The following KATNBL1 variants were observed in gnomAD, a reference collection of about 807,000 sequenced individuals.
KATNBL1 encodes the protein KATNB1-like protein 1.
In KATNBL1, 28 loss-of-function variants were observed where a neutral mutation model predicts 44.7. That is an observed-to-expected ratio of 0.63 (90% confidence interval 0.46 to 0.86). The LOEUF (loss-of-function observed/expected upper bound fraction) is 0.86. Among genes scored for constraint, KATNBL1 ranks in the 40% least tolerant of loss-of-function variants. KATNBL1 has a pLI of 0.00. For missense variants in KATNBL1, 272 were observed against 350.7 expected (o/e 0.78, Z 1.79); for synonymous variants, 78 against 114.9 (o/e 0.68, Z 2.06).
At chr15:34,186,583 A>C (rs1436975617) in intron 1 of KATNBL1, among the ~76,000 whole-genome samples, 1 of 152,046 alleles carries the variant, frequency 6.6e-6, no homozygotes, top group Non-Finnish European at 1.5e-5. Context: ...GTGGGGTGGG[A>C]GCTCCCCTGT....
intron 4 of KATNBL1, among the ~76,000 whole-genome samples, chr15:34,152,352 C>T (rs1167803642): frequency 6.6e-6 from 1 of 152,042 alleles, no homozygotes; most frequent in African/African-American, 2.4e-5. Flanking sequence ...TACAGGCGCC[C>T]CCCACCATGC....
chr15:34,146,205 A>T (rs941977422), intron 8 of KATNBL1: 1 of 152,268 alleles, frequency 6.6e-6, no homozygotes. Context: ...TTGGCCTCCC[A>T]AAGTGCTGGG....
At chr15:34,184,615 C>G (rs1259477895) in intron 1 of KATNBL1, among the ~76,000 whole-genome samples, 1 of 118,596 alleles carries the variant, frequency 8.4e-6, no homozygotes, top group Non-Finnish European at 1.6e-5. Flanking sequence ...CTCTGTCACC[C>G]AGGCTGGAGA....
intron 1 of KATNBL1, among the ~76,000 whole-genome samples, chr15:34,202,789 G>C (rs140261195): frequency 1.2e-4 from 19 of 152,218 alleles, no homozygotes; most frequent in African/African-American, 1.7e-4. Context: ...TCCGGAGTTC[G>C]AGACCAGCCT....
chr15:34,194,429 T>C (rs550682843), intron 1 of KATNBL1, among the ~76,000 whole-genome samples: 1 of 152,186 alleles, frequency 6.6e-6, no homozygotes, highest in East Asian at 1.9e-4. Context: ...GGCAACATAC[T>C]GAGACCCTGT....
chr15:34,175,156 A>G (rs553723763), intron 1 of KATNBL1, among the ~76,000 whole-genome samples: 191 of 144,050 alleles, frequency 1.3e-3, no homozygotes, highest in African/African-American at 4.4e-3. Context: ...ACACACACAC[A>G]CGCATATATA....
intron 1 of KATNBL1, 46 bp downstream of exon 1, chr15:34,209,905 G>A (rs1044245046): frequency 6.6e-5 from 10 of 151,724 alleles, no homozygotes; most frequent in African/African-American, 2.4e-4. Context: ...TGCCAGGGCA[G>A]GGCAGCTGCG....
At chr15:34,185,415 C>T (rs539717214) in intron 1 of KATNBL1, among the ~76,000 whole-genome samples, 1 of 152,310 alleles carries the variant, frequency 6.6e-6, no homozygotes, top group South Asian at 2.1e-4. Context: ...CTAACTAATC[C>T]AGGTGTGTCT....
At chr15:34,206,969 T>C (rs1009571231) in intron 1 of KATNBL1, among the ~76,000 whole-genome samples, 15 of 152,084 alleles carry the variant, frequency 9.9e-5, no homozygotes, top group African/African-American at 2.9e-4. Context: ...AATATAATGA[T>C]TGATAAAACA....
intron 1 of KATNBL1, among the ~76,000 whole-genome samples, chr15:34,202,836 C>G (rs1890204606): frequency 6.6e-6 from 1 of 151,954 alleles, no homozygotes; most frequent in African/African-American, 2.4e-5. Context: ...ACTAAAAATA[C>G]AAAAATTAGC....
At chr15:34,163,955 C>T (rs1235003968) in intron 1 of KATNBL1, among the ~76,000 whole-genome samples, 1 of 151,442 alleles carries the variant, frequency 6.6e-6, no homozygotes, top group Non-Finnish European at 1.5e-5. Context: ...TGCGATGGCA[C>T]GATCTTGGCT....
At chr15:34,205,682 A>T (rs931337381) in intron 1 of KATNBL1, among the ~76,000 whole-genome samples, 1 of 152,228 alleles carries the variant, frequency 6.6e-6, no homozygotes, top group South Asian at 2.1e-4. Context: ...AGATACTCAG[A>T]GCATCTGCGC....
chr15:34,194,428 C>T (rs1343129595), intron 1 of KATNBL1, among the ~76,000 whole-genome samples: 1 of 151,992 alleles, frequency 6.6e-6, no homozygotes, highest in African/African-American at 2.4e-5. Flanking sequence ...GGGCAACATA[C>T]TGAGACCCTG....
At chr15:34,195,962 G>A (rs1364205988) in intron 1 of KATNBL1, among the ~76,000 whole-genome samples, 3 of 152,104 alleles carry the variant, frequency 2.0e-5, no homozygotes, top group Admixed American at 6.6e-5. Context: ...AAATCAATGT[G>A]TGTCTGATTT....
intron 1 of KATNBL1, among the ~76,000 whole-genome samples, chr15:34,207,052 T>TC (rs1249716235): frequency 6.6e-6 from 1 of 150,450 alleles, no homozygotes; most frequent in Admixed American, 6.6e-5. Context: ...TTTTTTTTTT[T>TC]TCCCTGAGAC....
intron 1 of KATNBL1, among the ~76,000 whole-genome samples, chr15:34,186,520 CAGG>C (rs1889720243): frequency 6.6e-6 from 1 of 152,180 alleles, no homozygotes. Context: ...CCTCCTTCTC[CAGG>C]AAGCAGGCAG....
chr15:34,167,420 C>T (rs1366221487), intron 1 of KATNBL1, among the ~76,000 whole-genome samples: 1 of 152,090 alleles, frequency 6.6e-6, no homozygotes, highest in African/African-American at 2.4e-5. Flanking sequence ...AAGAAACGAA[C>T]AAAGCCTCCA....
intron 1 of KATNBL1, among the ~76,000 whole-genome samples, chr15:34,192,496 T>C (rs1297444295): frequency 6.6e-6 from 1 of 151,826 alleles, no homozygotes; most frequent in African/African-American, 2.4e-5. Context: ...ATGGGAGACA[T>C]ACATATTTAC....
intron 1 of KATNBL1, among the ~76,000 whole-genome samples, chr15:34,181,640 ACACATATATATGTCCATATATATATC>A (rs1567532002): frequency 8.2e-6 from 1 of 121,626 alleles, no homozygotes; most frequent in African/African-American, 3.0e-5. Flanking sequence ...CCATATATAT[ACACATATATATGTCCATATATATATC>A]CATATATATA....
Sources: allele counts gnomAD v4.1 joint callset (sites outside exome capture counted in the v4.1 genomes callset), GRCh38; gene constraint gnomAD v4.1.1; transcripts MANE v1.5; gene names NCBI Gene and HGNC (gene_info 2026-07-23, HGNC 2026-07-21).